Variants in SETD5 observed in about 807,000 individuals in gnomAD.
SETD5 encodes the protein histone-lysine N-methyltransferase SETD5.
In SETD5, 44 loss-of-function variants were observed where a neutral mutation model predicts 153.3. That is an observed-to-expected ratio of 0.29 (90% confidence interval 0.23 to 0.37). SETD5 has a LOEUF of 0.37. Ranked by LOEUF, SETD5 falls within the 10% of genes least tolerant of loss-of-function variation. The pLI, the probability that SETD5 is intolerant of heterozygous loss-of-function variation, is 1.00. For synonymous variants in SETD5, 716 were observed against 645.2 expected, an observed-to-expected ratio of 1.11 and a Z score of -1.66; for missense variants, 1,544 against 1,768.0, an observed-to-expected ratio of 0.87 and a Z score of 2.27.
At chr3:9,461,251 G>A (rs2043921809) in intron 17 of SETD5, among the ~76,000 whole-genome samples, 3 of 151,550 alleles carry the variant, frequency 2.0e-5, no homozygotes, top group Non-Finnish European at 4.4e-5. Context: ...AGCAAAAAAT[G>A]AAAAAAAAGT....
In SETD5 at chr3:9,477,708, T is replaced by G. The variant is rs1479875579; in HGVS notation, c.*1617T>G. ...TTTTTTTTTTTTTTTTTTTAAATGC[T>G]GAGACCTCAGCAGAGTACTTTTCTT... On this transcript the variant is annotated 3_prime_UTR_variant, in exon 23 of 23. Coordinates refer to ENST00000402198, the MANE Select transcript of SETD5 (RefSeq NM_001080517.3). 6.6e-6 allele frequency: 1 copy of G among 150,524 alleles called. No individual in the cohort carries two copies. Among genetic ancestry groups the G allele is most frequent in the Non-Finnish European group, 1.5e-5 (1 of 67,656 alleles). The allele number at this position is 150,524 out of a possible 1,614,324, so 9.3% of individuals were successfully genotyped here. A position where few individuals can be genotyped will look rare whatever the true frequency, so the allele number is the denominator to read the frequency against.
rs1430559081 is a variant in SETD5, at chr3:9,434,839, G to A, written c.345G>A (p.Gly115=). 7 of 1,613,516 alleles carry A rather than the reference G, an allele frequency of 4.3e-6. No individual in the cohort carries two copies. Among genetic ancestry groups the A allele is most frequent in the Non-Finnish European group, 4.2e-6 (5 of 1,179,742 alleles). Residue 115 remains glycine, a synonymous_variant, in exon 6 of 23, where the codon GGG becomes GGA. Coordinates refer to ENST00000402198, the MANE Select transcript of SETD5 (RefSeq NM_001080517.3). This position sits in a 1 kb window ranked among gnomAD's most constrained non-coding sequence, Gnocchi z 5.6. ...NCDKCRGMSR[G]KVIRLHRRKQ... is the part of the protein sequence containing the mutation. The stretch of plus-strand genomic sequence containing the variant: ...CCCTCTTTAGGGGAATGAGCAGGGG[G>A]AAGGTTATTAGACTTCATCGGCGGA...
At chr3:9,464,925 A>G (rs534365118) in intron 18 of SETD5, 65 of 525,704 alleles carry the variant, frequency 1.2e-4, no homozygotes, top group South Asian at 1.0e-3. Flanking sequence ...CAGTCCATCA[A>G]TCTCCATAAG....
intron 18 of SETD5, 92 bp from the exon 19 acceptor site, chr3:9,470,367 C>T: frequency 1.1e-6 from 1 of 910,856 alleles, no homozygotes; most frequent in Non-Finnish European, 1.7e-6. Flanking sequence ...TTATCTTTCC[C>T]TGTTCACCTG....
In SETD5 at chr3:9,475,893, C is replaced by T. The variant is rs17747739; in HGVS notation, c.4131C>T (p.Asn1377=). 0.053 allele frequency: 85,367 copies of T among 1,614,026 alleles called. 2,565 individuals are homozygous for T. Among genetic ancestry groups the T allele is most frequent in the Middle Eastern group, 0.065 (392 of 6,062 alleles). Reference sequence around the variant, plus strand: ...TGAGTTCCACCTCCTTTCCTCAGAACTCTAGGTCGTCATTGCCATCAGACT... The same window carrying T: ...TGAGTTCCACCTCCTTTCCTCAGAATTCTAGGTCGTCATTGCCATCAGACT... ...GTLSSTSFPQ[N]SRSSLPSDLR... The change falls in exon 23 of 23, where the codon AAC becomes AAT. Residue 1377 remains asparagine (N), a synonymous_variant. Transcript: ENST00000402198.
intron 16 of SETD5, among the ~76,000 whole-genome samples, chr3:9,452,659 A>ATATT (rs1444450526): frequency 1.7e-5 from 1 of 59,812 alleles, no homozygotes; most frequent in African/African-American, 7.2e-5. Flanking sequence ...ATGATGTAAG[A>ATATT]TTTTTTTTTT....
At chr3:9,408,367 TA>T (rs918955827) in intron 1 of SETD5, among the ~76,000 whole-genome samples, 1 of 152,236 alleles carries the variant, frequency 6.6e-6, no homozygotes, top group Non-Finnish European at 1.5e-5. Context: ...ATTAATTTTT[TA>T]ATTTTTTATT....
chr3:9,435,718 C>T lies in SETD5; in HGVS notation c.389-10C>T, dbSNP rs1257209502. 6.4e-7 allele frequency: 1 copy of T among 1,559,664 alleles called. No homozygotes were observed. Among genetic ancestry groups the T allele is most frequent in the Non-Finnish European group, 8.7e-7 (1 of 1,155,596 alleles). ...ATTAGTACCTGAACTATGAAATCAT[C>T]ATTTTTCAGGTGGGGATAGCAGTGC... On this transcript the variant is annotated splice_polypyrimidine_tract_variant and intron_variant, in intron 6 of 22. Coordinates refer to ENST00000402198, the MANE Select transcript of SETD5 (RefSeq NM_001080517.3).
rs757718444 is a variant in SETD5 at position 9,464,580 on chromosome 3, G to A, written c.2632G>A (p.Glu878Lys). 6.2e-7 allele frequency: 1 copy of A among 1,614,010 alleles called. No homozygotes were observed. Among genetic ancestry groups the A allele is most frequent in the South Asian group, 1.1e-5 (1 of 91,084 alleles). Residue 878 changes from glutamate to lysine, a missense_variant, in exon 18 of 23, where the codon GAA (glutamate) becomes AAA (lysine). Glu to Lys is a moderately conservative substitution (Grantham distance 56). Coordinates refer to ENST00000402198, the MANE Select transcript of SETD5 (RefSeq NM_001080517.3). ...CACACCTGGCTCATCTCACCCAGGA[G>A]AAGAGGAGTGTCGAAATGGATACAG... ...LATPGSSHPG[E>K]EECRNGYSLM...
intron 1 of SETD5, among the ~76,000 whole-genome samples, chr3:9,414,241 C>T (rs1377320635): frequency 6.6e-6 from 1 of 152,138 alleles, no homozygotes; most frequent in Non-Finnish European, 1.5e-5. Flanking sequence ...CAAATGGATT[C>T]CTACTAGATT....
chr3:9,430,603 T>A (rs2039844674), intron 3 of SETD5: 1 of 192,258 alleles, frequency 5.2e-6, no homozygotes, highest in African/African-American at 2.4e-5. Context: ...TAAAGTCAGC[T>A]ACTAACCTGG....
chr3:9,427,287 G>A (rs542112170), intron 2 of SETD5, among the ~76,000 whole-genome samples: 186 of 152,288 alleles, frequency 1.2e-3, no homozygotes, highest in Middle Eastern at 3.4e-3. Context: ...GGTGGCTCAC[G>A]CCTATAGTCC....
At chr3:9,463,692 A>C (rs181045842) in intron 17 of SETD5, among the ~76,000 whole-genome samples, 6 of 152,352 alleles carry the variant, frequency 3.9e-5, no homozygotes, top group Admixed American at 3.3e-4. Flanking sequence ...ATAAGAATAG[A>C]AAGAGCTTCT....
intron 1 of SETD5, among the ~76,000 whole-genome samples, chr3:9,399,922 A>G (rs2034485803): frequency 1.3e-5 from 2 of 151,750 alleles, no homozygotes; most frequent in Admixed American, 1.3e-4. Flanking sequence ...TATACAAGGC[A>G]GCAGCAGCTG....
chr3:9,409,693 T>C (rs11915826), intron 1 of SETD5, among the ~76,000 whole-genome samples: 1 of 152,184 alleles, frequency 6.6e-6, no homozygotes. Context: ...GGAGTGTTCA[T>C]TGCTCTTGGT....
At chr3:9,407,918 C>T (rs931348217) in intron 1 of SETD5, among the ~76,000 whole-genome samples, 5 of 151,736 alleles carry the variant, frequency 3.3e-5, no homozygotes, top group African/African-American at 4.8e-5. Flanking sequence ...GAGAATCGCT[C>T]GAACCCAGGT....
intron 12 of SETD5, 164 bp from the exon 13 acceptor site, chr3:9,445,493 A>G: frequency 1.1e-6 from 1 of 881,192 alleles, no homozygotes; most frequent in African/African-American, 1.7e-5. Context: ...GTTTTGCACC[A>G]GAGAATAGGG....
chr3:9,471,645 T>G (rs1290448530), intron 19 of SETD5, among the ~76,000 whole-genome samples: 1 of 152,140 alleles, frequency 6.6e-6, no homozygotes, highest in Non-Finnish European at 1.5e-5. Flanking sequence ...TGCTAATGGG[T>G]TGGGACTCCA....
At chr3:9,415,520 C>T (rs542547270) in intron 1 of SETD5, among the ~76,000 whole-genome samples, 2 of 152,276 alleles carry the variant, frequency 1.3e-5, no homozygotes, top group East Asian at 3.9e-4. Context: ...CAGTAACCTA[C>T]TAGACATATA....
Sources: allele counts gnomAD v4.1 joint callset (sites outside exome capture counted in the v4.1 genomes callset), GRCh38; gene constraint gnomAD v4.1.1; non-coding constraint Gnocchi (gnomAD v3.1); transcripts MANE v1.5; gene names NCBI Gene and HGNC (gene_info 2026-07-23, HGNC 2026-07-21).